Variants in GPC5 observed in about 807,000 individuals in gnomAD.
The protein encoded by GPC5 is glypican 5.
A neutral mutation model predicts 53.9 loss-of-function variants in GPC5; 47 were observed. The ratio of observed to expected loss-of-function variants is 0.87; its 90% CI spans 0.69 to 1.11. GPC5 has a LOEUF of 1.11. Ranked by LOEUF, GPC5 falls within the 50% of genes most tolerant of loss-of-function variation. The pLI is 0.00. For missense variants in GPC5, 748 were observed against 713.1 expected (o/e 1.05, Z -0.56); for synonymous variants, 286 against 263.3 (o/e 1.09, Z -0.84).
chr13:91,947,750 C>T (rs993162992), intron 6 of GPC5, among the ~76,000 whole-genome samples: 3 of 152,096 alleles, frequency 2.0e-5, no homozygotes, highest in Admixed American at 6.5e-5. Context: ...TCCAATTCTG[C>T]AATTACATTT....
At chr13:92,128,150 G>A (rs2138957548) in intron 6 of GPC5, among the ~76,000 whole-genome samples, 1 of 152,218 alleles carries the variant, frequency 6.6e-6, no homozygotes, top group Non-Finnish European at 1.5e-5. Context: ...TGGGTCCTTT[G>A]ATAATAGATG....
chr13:92,494,332 G>A (rs7984654), intron 7 of GPC5, among the ~76,000 whole-genome samples: 3,537 of 152,108 alleles, frequency 0.023, 150 homozygotes, highest in African/African-American at 0.08. Context: ...CTCGTGATCC[G>A]CCTGCCTCAG....
intron 6 of GPC5, among the ~76,000 whole-genome samples, chr13:92,010,094 G>A (rs1414814679): frequency 6.6e-6 from 1 of 152,074 alleles, no homozygotes; most frequent in Non-Finnish European, 1.5e-5. Context: ...TCTTCCTCAG[G>A]TATTTCTAAA....
intron 7 of GPC5, among the ~76,000 whole-genome samples, chr13:92,466,313 G>A (rs1878689949): frequency 6.6e-6 from 1 of 151,934 alleles, no homozygotes; most frequent in Admixed American, 6.6e-5. Flanking sequence ...GATTTTGATG[G>A]TAATAAAAAT....
At chr13:92,787,538 A>G (rs1487352006) in intron 7 of GPC5, among the ~76,000 whole-genome samples, 1 of 151,816 alleles carries the variant, frequency 6.6e-6, no homozygotes, top group African/African-American at 2.4e-5. Context: ...AAAGTAGAAT[A>G]CAGGTAAGAT....
intron 6 of GPC5, among the ~76,000 whole-genome samples, chr13:92,096,067 C>A (rs570135779): frequency 1.2e-4 from 19 of 152,190 alleles, no homozygotes; most frequent in Non-Finnish European, 2.8e-4. Context: ...TTTCACTGTA[C>A]CATCTCAGAA....
chr13:91,993,594 G>A (rs985286790), intron 6 of GPC5, among the ~76,000 whole-genome samples: 1 of 152,210 alleles, frequency 6.6e-6, no homozygotes, highest in African/African-American at 2.4e-5. Context: ...CAGGTTGAAT[G>A]TGTGTGTCTG....
chr13:91,687,968 T>A (rs567726142), intron 2 of GPC5, among the ~76,000 whole-genome samples: 2 of 152,222 alleles, frequency 1.3e-5, no homozygotes, highest in East Asian at 3.9e-4. Flanking sequence ...TATCTTGGAT[T>A]TATAAACAAT....
At chr13:92,159,626 A>G (rs1288067222) in intron 7 of GPC5, among the ~76,000 whole-genome samples, 1 of 96,340 alleles carries the variant, frequency 1.0e-5, no homozygotes, top group Non-Finnish European at 2.1e-5. Flanking sequence ...TTTTTGAGAC[A>G]GAGTGTCGCT....
chr13:91,501,682 T>G (rs1377353754), intron 2 of GPC5, among the ~76,000 whole-genome samples: 6 of 152,222 alleles, frequency 3.9e-5, no homozygotes, highest in Non-Finnish European at 7.3e-5. Flanking sequence ...TCTTTGCTAT[T>G]GTGAATAATG....
chr13:92,433,809 T>G (rs1877193993), intron 7 of GPC5, among the ~76,000 whole-genome samples: 1 of 151,918 alleles, frequency 6.6e-6, no homozygotes, highest in African/African-American at 2.4e-5. Context: ...AAAGAAATGG[T>G]TTGGGTACAG....
chr13:92,652,245 G>A (rs1031806775), intron 7 of GPC5, among the ~76,000 whole-genome samples: 1 of 152,054 alleles, frequency 6.6e-6, no homozygotes, highest in Non-Finnish European at 1.5e-5. Context: ...TTGCTACCAA[G>A]CTTTCCTTAA....
At chr13:92,379,994 C>T (rs2043726310) in intron 7 of GPC5, among the ~76,000 whole-genome samples, 1 of 152,188 alleles carries the variant, frequency 6.6e-6, no homozygotes, top group Admixed American at 6.5e-5. Context: ...ATCCAATGGT[C>T]ACTCATCCTT....
At chr13:91,888,619 C>T (rs1398655607) in intron 5 of GPC5, among the ~76,000 whole-genome samples, 2 of 152,090 alleles carry the variant, frequency 1.3e-5, no homozygotes, top group East Asian at 3.9e-4. Flanking sequence ...ACATATAATG[C>T]AGGGTGCTGG....
At chr13:92,724,458 G>GC (rs1400326461) in intron 7 of GPC5, among the ~76,000 whole-genome samples, 2 of 151,392 alleles carry the variant, frequency 1.3e-5, no homozygotes, top group African/African-American at 4.8e-5. Context: ...TATTTTACAA[G>GC]CCTAAATGTC....
chr13:91,624,171 C>T (rs569322148), intron 2 of GPC5, among the ~76,000 whole-genome samples: 4 of 152,176 alleles, frequency 2.6e-5, no homozygotes, highest in African/African-American at 9.6e-5. Context: ...AATTGCTATA[C>T]TAAATGTGAA....
In GPC5 at chr13:91,976,476, C is replaced by T. The variant is rs2040303227; in HGVS notation, c.1401+68419C>T. 2.0e-5 allele frequency among the ~76,000 whole-genome samples: 3 copies of T among 152,194 alleles called. No individual in the cohort carries two copies. In the East Asian group the frequency reaches 5.8e-4, roughly 29 times the overall value. ...GATGGGAGATCAGCCTCAAATCCGT[C>T]TCTCTGATGCCCTACAATTAGGAGT... On this transcript the variant is annotated intron_variant, in intron 6 of 7. Transcript: ENST00000377067.
At chr13:92,274,074 T>C (rs2042858637) in intron 7 of GPC5, among the ~76,000 whole-genome samples, 1 of 152,180 alleles carries the variant, frequency 6.6e-6, no homozygotes, top group African/African-American at 2.4e-5. Flanking sequence ...ACTTGAAAAT[T>C]ATACTTTCTG....
At chr13:92,857,583 A>G (rs1204441783) in intron 7 of GPC5, among the ~76,000 whole-genome samples, 1 of 152,194 alleles carries the variant, frequency 6.6e-6, no homozygotes, top group Non-Finnish European at 1.5e-5. Flanking sequence ...TCAAAGGTCT[A>G]CTATCCAGAG....
Sources: allele counts gnomAD v4.1 joint callset (sites outside exome capture counted in the v4.1 genomes callset), GRCh38; gene constraint gnomAD v4.1.1; transcripts MANE v1.5; gene names NCBI Gene and HGNC (gene_info 2026-07-23, HGNC 2026-07-21).